DLGAP1: variants seen among roughly 807,000 people sequenced by gnomAD.
DLGAP1 encodes disks large-associated protein 1.
In DLGAP1, 11 loss-of-function variants were observed where a neutral mutation model predicts 90.8. The observed-to-expected ratio is 0.12, with a 90% confidence interval of 0.08 to 0.20. The LOEUF (loss-of-function observed/expected upper bound fraction) is 0.20. Among genes scored for constraint, DLGAP1 ranks in the 10% least tolerant of loss-of-function variants. The probability of loss-of-function intolerance (pLI) is 1.00; values close to 1 mark genes in which losing one functional copy is unlikely to be tolerated. For missense variants in DLGAP1, 1,050 were observed against 1,333.8 expected (o/e 0.79, Z 3.31); for synonymous variants, 558 against 540.7 (o/e 1.03, Z -0.44).
chr18:3,674,603 G>C (rs1206611760), intron 7 of DLGAP1, among the ~76,000 whole-genome samples: 1 of 146,238 alleles, frequency 6.8e-6, no homozygotes, highest in African/African-American at 2.8e-5. Context: ...CTGGGTGACA[G>C]AGCAAGACCC....
At chr18:3,669,674 G>T (rs957671961) in intron 7 of DLGAP1, among the ~76,000 whole-genome samples, 10 of 152,176 alleles carry the variant, frequency 6.6e-5, no homozygotes, top group African/African-American at 2.4e-4. Context: ...AACTCTAGGG[G>T]AAGGCCATCT....
chr18:3,509,159 C>T (rs906435753), intron 10 of DLGAP1, among the ~76,000 whole-genome samples: 6 of 152,064 alleles, frequency 3.9e-5, no homozygotes, highest in African/African-American at 1.4e-4. Flanking sequence ...CTCACCATAT[C>T]CCATCCACAT....
chr18:3,598,315 T>G (rs1031181033), intron 7 of DLGAP1: 2 of 150,444 alleles, frequency 1.3e-5, no homozygotes, highest in African/African-American at 4.9e-5. Flanking sequence ...TGCGCCACAC[T>G]GCACTCCAGC....
At chr18:4,379,392 G>A (rs1401628020) in intron 1 of DLGAP1, among the ~76,000 whole-genome samples, 1 of 152,072 alleles carries the variant, frequency 6.6e-6, no homozygotes, top group Non-Finnish European at 1.5e-5. Context: ...TATTTTCTTA[G>A]AGAAGCTAAT....
intron 3 of DLGAP1, among the ~76,000 whole-genome samples, chr18:3,943,448 A>AG (rs1302875064): frequency 2.0e-5 from 2 of 98,930 alleles, no homozygotes; most frequent in Admixed American, 1.4e-4. Context: ...TGTGAAAGAG[A>AG]GGGTTTTTTT....
In DLGAP1 at chr18:3,684,187, A is replaced by T. The variant is rs1248865790; in HGVS notation, c.1591+44948T>A. Among the ~76,000 whole-genome samples, 6 of 150,350 alleles carry T rather than the reference A, an allele frequency of 4.0e-5. No homozygotes were observed. The South Asian group carries it at 8.5e-4, about 21-fold the overall frequency. ...GTAAGGTTTTTTTTTTTTAATTAAA[A>T]TTTTTTTTCCTTTTCTTTTTGAGAC... On this transcript the variant is annotated intron_variant, in intron 7 of 12. Transcript: ENST00000315677.
At chr18:4,021,859 A>G (rs1483856716) in intron 2 of DLGAP1, among the ~76,000 whole-genome samples, 2 of 152,280 alleles carry the variant, frequency 1.3e-5, no homozygotes, top group East Asian at 3.9e-4. Flanking sequence ...TCAGCCTCCC[A>G]AAGTGCTGGG....
chr18:3,977,727 G>T, intron 3 of DLGAP1: 1 of 326,040 alleles, frequency 3.1e-6, no homozygotes, highest in South Asian at 3.0e-5. Context: ...AAATAAGCTT[G>T]ACAAAGTGGT....
At chr18:3,989,460 A>C (rs1191267075) in intron 3 of DLGAP1, among the ~76,000 whole-genome samples, 2 of 152,218 alleles carry the variant, frequency 1.3e-5, no homozygotes, top group South Asian at 4.1e-4. Context: ...GGCTGTATCC[A>C]CACAGCCATT....
At chr18:4,032,874 C>T (rs919831076) in intron 2 of DLGAP1, among the ~76,000 whole-genome samples, 9 of 152,146 alleles carry the variant, frequency 5.9e-5, no homozygotes, top group Non-Finnish European at 1.3e-4. Flanking sequence ...TGATAGCAAA[C>T]ATTATGGTCA....
chr18:4,018,211 C>T (rs939235490), intron 2 of DLGAP1, among the ~76,000 whole-genome samples: 1 of 152,182 alleles, frequency 6.6e-6, no homozygotes, highest in African/African-American at 2.4e-5. Flanking sequence ...CTGGGATGTG[C>T]TCTGGGCAAA....
At chr18:4,005,331 A>T in intron 2 of DLGAP1, 130 bp from the exon 3 acceptor site, 1 of 152,210 alleles carries the variant, frequency 6.6e-6, no homozygotes, top group East Asian at 1.9e-4. Context: ...CAGACTTCTC[A>T]GATGTTTGAA....
chr18:4,401,771 T>G (rs886664097), intron 1 of DLGAP1, among the ~76,000 whole-genome samples: 1 of 152,202 alleles, frequency 6.6e-6, no homozygotes, highest in South Asian at 2.1e-4. Flanking sequence ...ATGCTGAATG[T>G]TATCTATGTT....
intron 1 of DLGAP1, among the ~76,000 whole-genome samples, chr18:4,190,247 G>A (rs912367808): frequency 7.9e-5 from 12 of 152,006 alleles, no homozygotes; most frequent in African/African-American, 2.7e-4. Flanking sequence ...ATTATGAAGT[G>A]GAAGAAGGAA....
At chr18:3,972,206 A>G (rs8085288) in intron 3 of DLGAP1, among the ~76,000 whole-genome samples, 13,996 of 152,102 alleles carry the variant, frequency 0.092, 1,368 homozygotes, top group African/African-American at 0.25. Flanking sequence ...CTCAAGGCCT[A>G]TATAAAAAAA....
intron 3 of DLGAP1, among the ~76,000 whole-genome samples, chr18:3,918,229 T>C (rs2148906412): frequency 6.6e-6 from 1 of 152,344 alleles, no homozygotes; most frequent in South Asian, 2.1e-4. Context: ...GGACCAAATA[T>C]GCTTTGCTGT....
At chr18:4,233,405 T>A (rs1055015495) in intron 1 of DLGAP1, among the ~76,000 whole-genome samples, 1 of 152,326 alleles carries the variant, frequency 6.6e-6, no homozygotes, top group South Asian at 2.1e-4. Flanking sequence ...CAGTTTGAGA[T>A]TGTCTGATAT....
At chr18:4,123,932 T>G (rs796872524) in intron 2 of DLGAP1, among the ~76,000 whole-genome samples, 12 of 152,312 alleles carry the variant, frequency 7.9e-5, no homozygotes, top group African/African-American at 2.9e-4. Flanking sequence ...ACTCTGAGAT[T>G]CTTGGTGTTT....
chr18:3,812,370 C>T (rs917101518), intron 5 of DLGAP1, among the ~76,000 whole-genome samples: 2 of 102,224 alleles, frequency 2.0e-5, no homozygotes, highest in East Asian at 5.1e-4. Context: ...TTTATTTCCA[C>T]GAATTTTTTT....
Sources: gnomAD v4.1 joint callset for allele counts (sites outside exome capture counted in the v4.1 genomes callset) on GRCh38, gnomAD v4.1.1 for gene constraint, MANE v1.5 for transcripts, NCBI Gene and HGNC (gene_info 2026-07-23, HGNC 2026-07-21) for gene names.